Variants in PON1 observed in about 807,000 individuals in gnomAD.
PON1 encodes paraoxonase 1, also known as serum paraoxonase/arylesterase 1.
In PON1, 37 loss-of-function variants were observed where a neutral mutation model predicts 39.2. The observed-to-expected ratio is 0.94, with a 90% CI of 0.73 to 1.24. The LOEUF (loss-of-function observed/expected upper bound fraction) is 1.24, where lower values mean the gene tolerates loss of function less well. Among genes scored for constraint, PON1 ranks in the 50% most tolerant of loss-of-function variants. The probability of loss-of-function intolerance (pLI) is 0.00; values close to 1 mark genes in which losing one functional copy is unlikely to be tolerated. For synonymous variants in PON1, 148 were observed against 152.2 expected (o/e 0.97, Z 0.21); for missense variants, 397 against 413.5 (o/e 0.96, Z 0.35).
chr7:95,307,739 G>A (rs1342419206), intron 6 of PON1, among the ~76,000 whole-genome samples: 1 of 151,998 alleles, frequency 6.6e-6, no homozygotes, highest in Non-Finnish European at 1.5e-5. Flanking sequence ...TCAAAACAAA[G>A]CTATTCAGAC....
intron 1 of PON1, 86 bp downstream of exon 1, chr7:95,324,316 G>T: frequency 7.8e-7 from 1 of 1,274,820 alleles, no homozygotes; most frequent in Non-Finnish European, 1.1e-6. Context: ...TCTGTTAACA[G>T]CCTGGACCCA....
intron 5 of PON1, among the ~76,000 whole-genome samples, chr7:95,309,489 G>T (rs1353697227): frequency 6.6e-6 from 1 of 152,074 alleles, no homozygotes; most frequent in Non-Finnish European, 1.5e-5. Context: ...TAGAGCAATA[G>T]CTTTTTATTG....
rs1375320216 is a variant in PON1, at chr7:95,324,410, A to G, written c.66T>C (p.Ser22=). The G allele has an allele frequency of 1.9e-6, 3 of 1,614,072 alleles. No individual in the cohort carries two copies. Among genetic ancestry groups the G allele is most frequent in the Non-Finnish European group, 2.5e-6 (3 of 1,180,016 alleles). ...ACCACAACCCAACTTACTGGTAAGA[A>G]GACTGGTGGTTCCTGAAGAGTGCCA... ...MGLALFRNHQ[S]SYQTRLNALR... Residue 22 remains serine, a synonymous_variant, in exon 1 of 9, where the codon TCT becomes TCC. Transcript: ENST00000222381.
intron 5 of PON1, among the ~76,000 whole-genome samples, chr7:95,310,280 TTAGTG>T (rs1807626077): frequency 6.7e-6 from 1 of 148,738 alleles, no homozygotes; most frequent in Non-Finnish European, 1.5e-5. Context: ...TTTGAATTAG[TTAGTG>T]TAGCACCTGA....
chr7:95,300,373 A>G (rs1038198757), intron 8 of PON1, among the ~76,000 whole-genome samples: 1 of 152,214 alleles, frequency 6.6e-6, no homozygotes, highest in Admixed American at 6.5e-5. Context: ...AGCCTTTATG[A>G]TAATATATAA....
In PON1 at chr7:95,302,188, T is replaced by C; in HGVS notation, c.909+17A>G. The C allele has an allele frequency of 6.2e-7, 1 of 1,602,318 alleles. No individual in the cohort carries two copies. Among genetic ancestry groups the C allele is most frequent in the Non-Finnish European group, 8.5e-7 (1 of 1,172,670 alleles). On this transcript the variant is annotated intron_variant, in intron 8 of 8. Coordinates refer to ENST00000222381, the MANE Select transcript of PON1 (RefSeq NM_000446.7). ...CTGGGAATAAAGTCACTTATCTGGT[T>C]CATTTTTAAAACTTACCTCTGATGC...
At chr7:95,321,656 G>A (rs1310215792) in intron 1 of PON1, among the ~76,000 whole-genome samples, 1 of 152,124 alleles carries the variant, frequency 6.6e-6, no homozygotes, top group African/African-American at 2.4e-5. Flanking sequence ...GGGTAGAGTT[G>A]GGATTTGAAA....
intron 3 of PON1, among the ~76,000 whole-genome samples, chr7:95,316,102 G>A (rs1300036981): frequency 6.6e-6 from 1 of 152,160 alleles, no homozygotes; most frequent in Admixed American, 6.5e-5. Flanking sequence ...AAATTACAAG[G>A]GGTAGCAAAG....
At position 95,298,972 on chromosome 7, in the gene PON1, AAC is replaced by A. The variant is rs755252502; in HGVS notation, c.1038_1039del (p.Phe347SerfsTer7). 10 of 1,614,044 alleles carry A rather than the reference AAC, an allele frequency of 6.2e-6. No individual in the cohort carries two copies. Among genetic ancestry groups the A allele is most frequent in the East Asian group, 2.2e-5 (1 of 44,878 alleles). On this transcript the variant is annotated frameshift_variant, in exon 9 of 9. Transcript: ENST00000222381. LOFTEE classifies it high-confidence loss of function. ...GAGCTCACAGTAAAGAGCTTTGTGA[AAC>A]ACTGTGCCAATCAGCAGTTTCCCTT...
chr7:95,298,037 T>C lies in PON1; in HGVS notation c.*907A>G, dbSNP rs1009255223. 1 of 152,138 alleles carries C rather than the reference T, an allele frequency of 6.6e-6. No homozygotes were observed. Among genetic ancestry groups the C allele is most frequent in the Non-Finnish European group, 1.5e-5 (1 of 68,030 alleles). 9.4% of individuals were successfully genotyped at this position (152,138 alleles called of 1,614,324 possible). ...TTTATTTGTTTGTTTACCTTTCTAT[T>C]ATTTTTTTTCTTTTCAGCCTCCACA... is the stretch of plus-strand genomic sequence containing the variant. On this transcript the variant is annotated 3_prime_UTR_variant, in exon 9 of 9. Coordinates refer to ENST00000222381, the MANE Select transcript of PON1 (RefSeq NM_000446.7).
intron 1 of PON1, among the ~76,000 whole-genome samples, chr7:95,320,553 A>G (rs1435909995): frequency 1.3e-5 from 2 of 152,242 alleles, no homozygotes; most frequent in Non-Finnish European, 2.9e-5. Context: ...GTTATAGTTG[A>G]CCAAGATTAA....
rs1807815253 is a variant in PON1 at position 95,318,270 on chromosome 7, G to A, written c.145+53C>T. On this transcript the variant is annotated intron_variant, in intron 2 of 8. Transcript: ENST00000222381. ...AACAGGCACATTAATCACACAAAGA[G>A]CAAAAAAATACCGGAAGTTCAAATG... The A allele has an allele frequency of 2.0e-6, 3 of 1,464,026 alleles. No homozygotes were observed. The South Asian group carries it at 3.4e-5, about 17-fold the overall frequency. The allele number at this position is 1,464,026 out of a possible 1,614,324, so 90.7% of individuals were successfully genotyped here.
chr7:95,304,252 G>A (rs1807493172), intron 7 of PON1, among the ~76,000 whole-genome samples: 1 of 147,178 alleles, frequency 6.8e-6, no homozygotes, highest in Non-Finnish European at 1.5e-5. Flanking sequence ...TTATCCTTTT[G>A]TTGCTGGCTT....
At chr7:95,316,614 C>T (rs947230511) in intron 3 of PON1, 120 bp downstream of exon 3, 3 of 868,522 alleles carry the variant, frequency 3.5e-6, no homozygotes, top group Admixed American at 3.4e-5. Flanking sequence ...GTCTTTTAAA[C>T]CATGACTGTT....
intron 1 of PON1, among the ~76,000 whole-genome samples, chr7:95,324,031 C>A (rs771314514): frequency 2.6e-5 from 4 of 152,188 alleles, no homozygotes; most frequent in Non-Finnish European, 5.9e-5. Context: ...ACAGGGGCTC[C>A]TTTCTCTAAT....
intron 8 of PON1, 68 bp from the exon 9 acceptor site, chr7:95,299,170 G>C: frequency 6.9e-7 from 1 of 1,438,974 alleles, no homozygotes; most frequent in East Asian, 2.3e-5. Flanking sequence ...TGCATAATAG[G>C]GTCATCCTCC....
chr7:95,319,509 C>T (rs896101802), intron 1 of PON1, among the ~76,000 whole-genome samples: 4 of 152,022 alleles, frequency 2.6e-5, no homozygotes, highest in South Asian at 2.1e-4. Context: ...TTTGTCCCAA[C>T]GTATAACCAG....
chr7:95,299,148 A>G (rs1315690602), intron 8 of PON1, 46 bp from the exon 9 acceptor site: 12 of 1,564,864 alleles, frequency 7.7e-6, no homozygotes, highest in Admixed American at 3.3e-5. Flanking sequence ...TAAGTCACTT[A>G]AAACAACCTT....
chr7:95,299,813 T>C (rs763078413), intron 8 of PON1, among the ~76,000 whole-genome samples: 2 of 151,976 alleles, frequency 1.3e-5, no homozygotes, highest in Admixed American at 6.6e-5. Flanking sequence ...CCCCTTTACA[T>C]ATATATATAT....
Sources: allele counts gnomAD v4.1 joint callset (sites outside exome capture counted in the v4.1 genomes callset), GRCh38; gene constraint gnomAD v4.1.1; transcripts MANE v1.5; gene names NCBI Gene and HGNC (gene_info 2026-07-23, HGNC 2026-07-21).